DAPK2: variants seen among roughly 807,000 people sequenced by gnomAD.
DAPK2 encodes death-associated protein kinase 2.
A neutral mutation model predicts 44.1 loss-of-function variants in DAPK2; 35 were observed. The observed-to-expected ratio is 0.79, with a 90% CI of 0.61 to 1.05. The LOEUF is 1.05. Ranked by LOEUF, DAPK2 falls within the 50% of genes least tolerant of loss-of-function variation. The pLI is 0.00. For synonymous variants in DAPK2, 174 were observed against 182.6 expected (o/e 0.95, Z 0.38); for missense variants, 453 against 483.2 (o/e 0.94, Z 0.59).
At chr15:64,010,038 G>A (rs1000815883) in intron 1 of DAPK2, among the ~76,000 whole-genome samples, 2 of 152,208 alleles carry the variant, frequency 1.3e-5, no homozygotes, top group African/African-American at 4.8e-5. Context: ...GAAACAAACT[G>A]AGTTCTCTGT....
At chr15:64,029,870 C>T (rs1413850091) in intron 1 of DAPK2, 2 of 152,298 alleles carry the variant, frequency 1.3e-5, no homozygotes, top group African/African-American at 2.4e-5. Context: ...ATTTTGCTCT[C>T]AGTCTACAGC....
intron 3 of DAPK2, among the ~76,000 whole-genome samples, chr15:63,947,126 C>G (rs1025309082): frequency 6.6e-6 from 1 of 152,164 alleles, no homozygotes; most frequent in Non-Finnish European, 1.5e-5. Context: ...ATCACCCCAT[C>G]CCACCCTGCA....
intron 1 of DAPK2, among the ~76,000 whole-genome samples, chr15:63,984,861 C>T (rs1202995292): frequency 6.6e-6 from 1 of 152,180 alleles, no homozygotes; most frequent in Non-Finnish European, 1.5e-5. Context: ...CAAAATAGCA[C>T]TGCATCTGAA....
intron 1 of DAPK2, among the ~76,000 whole-genome samples, chr15:64,008,358 C>A (rs1347250962): frequency 6.6e-6 from 1 of 152,160 alleles, no homozygotes; most frequent in African/African-American, 2.4e-5. Flanking sequence ...GTGCTCTCCC[C>A]ATTATAGAGA....
chr15:63,923,096 T>C lies in DAPK2; in HGVS notation c.858+1720A>G. 1 of 1,535,882 alleles carries C rather than the reference T, an allele frequency of 6.5e-7. No homozygotes were observed. Among genetic ancestry groups the C allele is most frequent in the South Asian group, 1.2e-5 (1 of 84,052 alleles). ...CTCCTCTCGGTACCAAGCTTCCTTC[T>C]CATTGAAGATGGAGACCAGGGCCTC... is the stretch of plus-strand genomic sequence containing the variant. On this transcript the variant is annotated intron_variant, in intron 8 of 10. Coordinates refer to ENST00000261891, the Ensembl canonical transcript of DAPK2. The surrounding 1 kb of genome is among the most constrained non-coding windows in gnomAD (Gnocchi z 4.2).
chr15:63,942,334 C>G (rs2140467692), intron 3 of DAPK2: 1 of 778,886 alleles, frequency 1.3e-6, no homozygotes, highest in South Asian at 5.8e-5. Context: ...GGGGTATCAC[C>G]TGAGGTCAGG....
chr15:63,912,021 G>C lies in DAPK2; in HGVS notation c.949-30C>G, dbSNP rs79693133. ...GGGAGGCAGAGGAAAGGAATCCCCA[G>C]GTGAGAATGTGCATGGAGACCCTGG... is the stretch of plus-strand genomic sequence containing the variant. On this transcript the variant is annotated intron_variant, in intron 9 of 10. Coordinates refer to ENST00000261891, the Ensembl canonical transcript of DAPK2. This position sits in a 1 kb window ranked among gnomAD's most constrained non-coding sequence, Gnocchi z 4.4. The C allele has an allele frequency of 6.2e-7, 1 of 1,610,144 alleles. No homozygotes were observed. Among genetic ancestry groups the C allele is most frequent in the East Asian group, 2.2e-5 (1 of 44,758 alleles).
At chr15:63,950,685 A>G (rs950176241) in intron 3 of DAPK2, among the ~76,000 whole-genome samples, 1 of 152,144 alleles carries the variant, frequency 6.6e-6, no homozygotes, top group African/African-American at 2.4e-5. Flanking sequence ...AAACTTGGTG[A>G]CCTCCAGCTT....
chr15:63,996,951 C>T lies in DAPK2; in HGVS notation c.93-13197G>A, dbSNP rs555245558. 3.3e-5 allele frequency among the ~76,000 whole-genome samples: 5 copies of T among 152,292 alleles called. No homozygotes were observed. In the East Asian group the frequency reaches 9.6e-4, roughly 29 times the overall value. On this transcript the variant is annotated intron_variant, in intron 1 of 10. Coordinates refer to ENST00000261891, the Ensembl canonical transcript of DAPK2. ...CCCTCAAAAGATTTGGCTTTAGGTC[C>T]ACACCCAGCCTTTCTGCCCACAAGC...
intron 3 of DAPK2, among the ~76,000 whole-genome samples, chr15:63,955,361 C>T (rs1218708049): frequency 3.3e-5 from 5 of 152,256 alleles, no homozygotes; most frequent in African/African-American, 9.6e-5. Context: ...GCTTTTTCAG[C>T]TTCAATTGAA....
chr15:64,031,560 T>A (rs1468070120), intron 1 of DAPK2, among the ~76,000 whole-genome samples: 1 of 152,186 alleles, frequency 6.6e-6, no homozygotes, highest in East Asian at 1.9e-4. Flanking sequence ...CATATGTCAA[T>A]CGTTTTCACT....
At chr15:63,973,335 C>T (rs1314188487) in intron 2 of DAPK2, among the ~76,000 whole-genome samples, 1 of 152,224 alleles carries the variant, frequency 6.6e-6, no homozygotes, top group East Asian at 1.9e-4. Context: ...AGAGCAAAGC[C>T]TTATGGGCAG....
chr15:64,024,467 G>A (rs755880619), intron 1 of DAPK2, among the ~76,000 whole-genome samples: 10 of 152,186 alleles, frequency 6.6e-5, no homozygotes, highest in Non-Finnish European at 1.2e-4. Flanking sequence ...CCAGAAAGCT[G>A]GAAAAGTGGA....
rs929485383 is a variant in DAPK2 at position 63,966,510 on chromosome 15, T to C, written c.453+4913A>G. Among the ~76,000 whole-genome samples the C allele has an allele frequency of 3.3e-5, 5 of 152,204 alleles. No individual in the cohort carries two copies. The East Asian group carries it at 7.7e-4, about 23-fold the overall frequency. ...CACAGGACCAGGACTTGTCCAGGAA[T>C]TGCAGTCCTTGTGGCCTAGACTTCC... On this transcript the variant is annotated intron_variant, in intron 3 of 10. Transcript: ENST00000261891. This position sits in a 1 kb window ranked among gnomAD's most constrained non-coding sequence, Gnocchi z 5.5.
rs73456753 is a variant in DAPK2, at chr15:64,010,317, C to T, written c.93-26563G>A. Among the ~76,000 whole-genome samples, 469 of 152,258 alleles carry T rather than the reference C, an allele frequency of 3.1e-3. 4 individuals are homozygous for T. The highest frequency in any genetic ancestry group is 0.011 in the African/African-American group (441 of 41,560). ...GTTCAGTTTCTTCTATCTCTAAAGA[C>T]GGCCTATAAATATCATTTTTAACTT... is the stretch of plus-strand genomic sequence containing the variant. On this transcript the variant is annotated intron_variant, in intron 1 of 10. Coordinates refer to ENST00000261891, the Ensembl canonical transcript of DAPK2.
At chr15:63,907,823 A>T (rs1159732155) in exon 11 of DAPK2, 1 of 152,348 alleles carries the variant, frequency 6.6e-6, no homozygotes. Context: ...ACCTTCTGAG[A>T]TTCTGCCCAC....
rs762283534 is a variant in DAPK2, at chr15:63,971,413, C to T, written c.453+10G>A. On this transcript the variant is annotated intron_variant, in intron 3 of 10. Coordinates refer to ENST00000261891, the Ensembl canonical transcript of DAPK2. Reference sequence around the variant, plus strand: ...AAACTTGATTCTTTTCCCTTTCTCCCCTTACTGACCTTGAGATCAAAGTGA... The same window carrying T: ...AAACTTGATTCTTTTCCCTTTCTCCTCTTACTGACCTTGAGATCAAAGTGA... The T allele has an allele frequency of 1.6e-5, 26 of 1,613,902 alleles. No individual in the cohort carries two copies. Among genetic ancestry groups the T allele is most frequent in the African/African-American group, 2.7e-5 (2 of 74,926 alleles).
chr15:64,002,175 T>C (rs545792546), intron 1 of DAPK2, among the ~76,000 whole-genome samples: 1 of 152,282 alleles, frequency 6.6e-6, no homozygotes, highest in East Asian at 1.9e-4. Flanking sequence ...ACAGTCAACC[T>C]CCAAGGTGGC....
rs150143104 is a variant in DAPK2, at chr15:64,012,565, T to C, written c.92+27605A>G. On this transcript the variant is annotated intron_variant, in intron 1 of 10. Transcript: ENST00000261891. ...ATTATGGTCCATCCATAACAGGTGG[T>C]CTATGCAGCTTTTAAAAAGATACAC... Among the ~76,000 whole-genome samples, 108 of 152,358 alleles carry C rather than the reference T, an allele frequency of 7.1e-4. 5 individuals carry two copies. Among genetic ancestry groups the C allele is most frequent in the African/African-American group, 2.5e-3 (103 of 41,580 alleles).
Sources: gnomAD v4.1 joint callset for allele counts (sites outside exome capture counted in the v4.1 genomes callset) on GRCh38, gnomAD v4.1.1 for gene constraint, Gnocchi (gnomAD v3.1) non-coding constraint, MANE v1.5 for transcripts, NCBI Gene and HGNC (gene_info 2026-07-23, HGNC 2026-07-21) for gene names.